The following FBXW11 variants were observed in gnomAD, a reference collection of about 807,000 sequenced individuals.
The protein encoded by FBXW11 is F-box/WD repeat-containing protein 11.
A neutral mutation model predicts 77.6 loss-of-function variants in FBXW11; 19 were observed. That is an observed-to-expected ratio of 0.24 (90% CI 0.17 to 0.36). The LOEUF is 0.36. Ranked by LOEUF, FBXW11 falls within the 10% of genes least tolerant of loss-of-function variation. FBXW11 has a pLI of 1.00. For synonymous variants in FBXW11, 235 were observed against 249.4 expected, an observed-to-expected ratio of 0.94 and a Z score of 0.54; for missense variants, 334 against 704.2, an observed-to-expected ratio of 0.47 and a Z score of 5.95.
chr5:171,935,710 A>T (rs937718639), intron 2 of FBXW11, among the ~76,000 whole-genome samples: 1 of 152,194 alleles, frequency 6.6e-6, no homozygotes, highest in South Asian at 2.1e-4. Flanking sequence ...ATCTTCCAAA[A>T]TTTTAGAAAA....
rs1169708276 is a variant in FBXW11, at chr5:171,876,706, T to G, written c.972-172A>C. 1.3e-5 allele frequency among the ~76,000 whole-genome samples: 2 copies of G among 152,112 alleles called. No homozygotes were observed. The highest frequency in any genetic ancestry group is 2.9e-5 in the Non-Finnish European group (2 of 68,018). ...TGGAGGTGGGGCCTGGCAGGAGATG[T>G]TTTGGGTCATGGTGGTGTATCACTC... On this transcript the variant is annotated intron_variant, in intron 8 of 13. Transcript: ENST00000517395. This position sits in a 1 kb window ranked among gnomAD's most constrained non-coding sequence, Gnocchi z 4.2.
chr5:171,917,816 T>C (rs1761350691), intron 2 of FBXW11, among the ~76,000 whole-genome samples: 1 of 143,712 alleles, frequency 7.0e-6, no homozygotes, highest in African/African-American at 2.5e-5. Context: ...ATATATTCAA[T>C]TCAGAGATAT....
intron 2 of FBXW11, among the ~76,000 whole-genome samples, chr5:171,939,228 C>T (rs1469799348): frequency 6.6e-6 from 1 of 152,102 alleles, no homozygotes; most frequent in African/African-American, 2.4e-5. Flanking sequence ...CAGCAAGACT[C>T]TGTCTCAAAA....
intron 1 of FBXW11, among the ~76,000 whole-genome samples, chr5:171,972,438 C>T (rs1454927089): frequency 4.6e-5 from 6 of 130,220 alleles, no homozygotes; most frequent in African/African-American, 1.7e-4. Flanking sequence ...GAGGTCAAGG[C>T]TACAGTGAGC....
intron 1 of FBXW11, among the ~76,000 whole-genome samples, chr5:171,999,289 A>G (rs1263141575): frequency 6.6e-6 from 1 of 152,138 alleles, no homozygotes; most frequent in Non-Finnish European, 1.5e-5. Flanking sequence ...GTTATAGCAA[A>G]ACACAACCAC....
chr5:171,868,586 G>A (rs1757562618), intron 13 of FBXW11, 24 bp downstream of exon 13: 2 of 1,545,132 alleles, frequency 1.3e-6, no homozygotes, highest in Non-Finnish European at 1.7e-6. Context: ...CAGCAAAATT[G>A]GAAGGGGAGA....
In FBXW11 at chr5:171,962,827, C is replaced by A. The variant is rs59103760; in HGVS notation, c.46-5129G>T. 2.4e-3 allele frequency among the ~76,000 whole-genome samples: 361 copies of A among 152,260 alleles called. 1 individual carries two copies. The highest frequency in any genetic ancestry group is 8.3e-3 in the African/African-American group (343 of 41,554). ...GTTTTTAGATGGGATTGTTTTGAATCTCCTGCCCTGATTCCTTCTCAAAGA... is the reference window on the plus strand; with the variant it reads ...GTTTTTAGATGGGATTGTTTTGAATATCCTGCCCTGATTCCTTCTCAAAGA... On this transcript the variant is annotated intron_variant, in intron 1 of 13. Transcript: ENST00000517395.
chr5:171,866,271 A>G (rs928416217), intron 13 of FBXW11, among the ~76,000 whole-genome samples: 21 of 118,006 alleles, frequency 1.8e-4, no homozygotes, highest in East Asian at 4.0e-4. Context: ...TCTCAAAGGG[A>G]AAAAAAAAAA....
chr5:171,914,947 A>AG (rs1229092459), intron 2 of FBXW11, among the ~76,000 whole-genome samples: 4 of 152,322 alleles, frequency 2.6e-5, no homozygotes, highest in African/African-American at 9.6e-5. Context: ...CCTGAAGAGG[A>AG]GGATGCTGTT....
At chr5:171,956,274 C>G (rs1231911391) in intron 2 of FBXW11, among the ~76,000 whole-genome samples, 1 of 152,164 alleles carries the variant, frequency 6.6e-6, no homozygotes. Context: ...ATTCCAAGAA[C>G]ATTTTTGTTA....
chr5:171,954,708 C>G (rs1763523821), intron 2 of FBXW11, among the ~76,000 whole-genome samples: 1 of 152,176 alleles, frequency 6.6e-6, no homozygotes, highest in Non-Finnish European at 1.5e-5. Context: ...AGGAACCTCA[C>G]TAGCTGTAAG....
intron 1 of FBXW11, among the ~76,000 whole-genome samples, chr5:171,973,834 G>A (rs2113441866): frequency 6.6e-6 from 1 of 152,156 alleles, no homozygotes; most frequent in Admixed American, 6.5e-5. Flanking sequence ...ATCTAAAACT[G>A]TTCTAAAAAT....
At chr5:171,960,459 A>G (rs184801046) in intron 1 of FBXW11, among the ~76,000 whole-genome samples, 1 of 152,374 alleles carries the variant, frequency 6.6e-6, no homozygotes, top group East Asian at 1.9e-4. Flanking sequence ...ATCAATTTTT[A>G]CTTATTCAGT....
intron 6 of FBXW11, among the ~76,000 whole-genome samples, chr5:171,897,993 G>C (rs951332469): frequency 4.6e-5 from 7 of 152,110 alleles, no homozygotes; most frequent in African/African-American, 1.7e-4. Context: ...TCTAGTGAAA[G>C]TTTTTATTTA....
chr5:171,895,113 C>G (rs1394973248), intron 6 of FBXW11, among the ~76,000 whole-genome samples: 2 of 152,148 alleles, frequency 1.3e-5, no homozygotes, highest in Non-Finnish European at 2.9e-5. Flanking sequence ...GCAGCAGGAA[C>G]AGAGGTCATA....
chr5:171,966,702 G>C (rs1194264042), intron 1 of FBXW11, among the ~76,000 whole-genome samples: 4 of 152,168 alleles, frequency 2.6e-5, no homozygotes, highest in Non-Finnish European at 5.9e-5. Flanking sequence ...GTACATCTGG[G>C]CCTTTGTTGG....
At position 171,876,710 on chromosome 5, in the gene FBXW11, G is replaced by A. The variant is rs1415321128; in HGVS notation, c.972-176C>T. Among the ~76,000 whole-genome samples, 1 of 152,132 alleles carries A rather than the reference G, an allele frequency of 6.6e-6. No individual in the cohort carries two copies. Among genetic ancestry groups the A allele is most frequent in the Non-Finnish European group, 1.5e-5 (1 of 68,034 alleles). On this transcript the variant is annotated intron_variant, in intron 8 of 13. Transcript: ENST00000517395. This position sits in a 1 kb window ranked among gnomAD's most constrained non-coding sequence, Gnocchi z 4.2. ...GGTGGGGCCTGGCAGGAGATGTTTT[G>A]GGTCATGGTGGTGTATCACTCATGA...
intron 1 of FBXW11, among the ~76,000 whole-genome samples, chr5:171,972,894 T>C (rs927868879): frequency 6.6e-6 from 1 of 152,220 alleles, no homozygotes; most frequent in Admixed American, 6.5e-5. Context: ...TGTGTCATCA[T>C]TGACTTTGGC....
rs1241394469 is a variant in FBXW11 at position 171,975,436 on chromosome 5, T to TC, written c.46-17739dup. ...TGCTGCTCCTGAGCCTCAGGCTCTC[T>TC]CGAGTGCTGCTGGCTAAGATGTGGT... On this transcript the variant is annotated intron_variant, in intron 1 of 13. Coordinates refer to ENST00000517395, the MANE Select transcript of FBXW11 (RefSeq NM_001378974.1). Among the ~76,000 whole-genome samples, 3 of 152,176 alleles carry TC rather than the reference T, an allele frequency of 2.0e-5. No homozygotes were observed. The East Asian group carries it at 5.8e-4, about 29-fold the overall frequency.
Sources: gnomAD v4.1 joint callset for allele counts (sites outside exome capture counted in the v4.1 genomes callset) on GRCh38, gnomAD v4.1.1 for gene constraint, Gnocchi (gnomAD v3.1) non-coding constraint, MANE v1.5 for transcripts, NCBI Gene and HGNC (gene_info 2026-07-23, HGNC 2026-07-21) for gene names.